The following PXDC1 variants were observed in gnomAD, a reference collection of about 807,000 sequenced individuals.
PXDC1 encodes the protein PX domain containing 1, also known as PX domain-containing protein 1.
Under a neutral mutation model 24.4 loss-of-function variants are expected in PXDC1, and 13 were observed. The observed-to-expected ratio is 0.53, with a 90% CI of 0.35 to 0.85. PXDC1 has a LOEUF of 0.85. PXDC1 is among the 40% of genes least tolerant of loss of function. The probability of loss-of-function intolerance (pLI) is 0.01; values close to 1 mark genes in which losing one functional copy is unlikely to be tolerated. For missense variants in PXDC1, 344 were observed against 309.3 expected (o/e 1.11, Z -0.84); for synonymous variants, 162 against 124.9 (o/e 1.30, Z -1.98).
At chr6:3,743,534 A>G (rs1265727644) in intron 1 of PXDC1, among the ~76,000 whole-genome samples, 3 of 152,166 alleles carry the variant, frequency 2.0e-5, no homozygotes, top group African/African-American at 4.8e-5. Context: ...TGGAAACTAA[A>G]TATCTAAAAT....
At chr6:3,736,832 T>C (rs1343623363) in intron 3 of PXDC1, among the ~76,000 whole-genome samples, 1 of 152,226 alleles carries the variant, frequency 6.6e-6, no homozygotes, top group African/African-American at 2.4e-5. Context: ...CGTTATACCA[T>C]TTCTTAAGTG....
intron 1 of PXDC1, chr6:3,738,901 G>A (rs1268712293): frequency 7.7e-7 from 1 of 1,302,610 alleles, no homozygotes; most frequent in East Asian, 5.5e-5. Context: ...TGCAGGGATG[G>A]GGAAGTAGGT....
chr6:3,741,979 T>C (rs143451331), intron 1 of PXDC1, among the ~76,000 whole-genome samples: 4 of 152,366 alleles, frequency 2.6e-5, no homozygotes, highest in African/African-American at 7.2e-5. Context: ...GAAATCTTCA[T>C]CTTGCAATTT....
At chr6:3,729,532 G>A (rs898267504) in intron 3 of PXDC1, among the ~76,000 whole-genome samples, 1 of 152,188 alleles carries the variant, frequency 6.6e-6, no homozygotes, top group African/African-American at 2.4e-5. Flanking sequence ...GAAGCAAAGA[G>A]GAATCAGTGC....
chr6:3,744,931 C>T (rs954656671), intron 1 of PXDC1, among the ~76,000 whole-genome samples: 4 of 152,218 alleles, frequency 2.6e-5, no homozygotes, highest in African/African-American at 9.6e-5. Flanking sequence ...AATTCCTGAC[C>T]TCAAGGGATC....
At chr6:3,726,253 T>C (rs964897259) in intron 4 of PXDC1, among the ~76,000 whole-genome samples, 2 of 152,216 alleles carry the variant, frequency 1.3e-5, no homozygotes, top group Non-Finnish European at 2.9e-5. Flanking sequence ...CTAAAGGGCC[T>C]CTTTCTTTCA....
rs532222118 is a variant in PXDC1 at position 3,751,308 on chromosome 6, C to G, written c.224G>C (p.Arg75Pro). 3.9e-5 allele frequency: 60 copies of G among 1,542,244 alleles called. No homozygotes were observed. The highest frequency in any genetic ancestry group is 4.9e-5 in the Non-Finnish European group (56 of 1,149,520). Residue 75 changes from arginine (R) to proline (P), a missense_variant, in exon 1 of 5, where the codon CGG (arginine) becomes CCG (proline). Transcript: ENST00000380283. The part of the protein sequence containing the change: ...QRLRDAFPED[R>P]SELAQGPLRQ... ...CAGCGGCCCCTGCGCCAGTTCGGACCGGTCCTCGGGAAAGGCGTCGCGCAG... is the reference window on the plus strand; with the variant it reads ...CAGCGGCCCCTGCGCCAGTTCGGACGGGTCCTCGGGAAAGGCGTCGCGCAG...
chr6:3,744,437 G>T (rs1332401888), intron 1 of PXDC1, among the ~76,000 whole-genome samples: 2 of 150,614 alleles, frequency 1.3e-5, no homozygotes, highest in Admixed American at 1.3e-4. Flanking sequence ...CCAGGAGGAT[G>T]CACAGCAGGG....
chr6:3,733,420 G>A, intron 3 of PXDC1, among the ~76,000 whole-genome samples: 1 of 152,198 alleles, frequency 6.6e-6, no homozygotes. Flanking sequence ...CTGAAGGGAG[G>A]TATCTGCCAT....
chr6:3,737,413 C>T lies in PXDC1; in HGVS notation c.349-217G>A, dbSNP rs1361046601. Among the ~76,000 whole-genome samples the T allele has an allele frequency of 6.6e-6, 1 of 152,258 alleles. No individual in the cohort carries two copies. Among genetic ancestry groups the T allele is most frequent in the Non-Finnish European group, 1.5e-5 (1 of 68,048 alleles). On this transcript the variant is annotated intron_variant, in intron 2 of 4. Coordinates refer to ENST00000380283, the MANE Select transcript of PXDC1 (RefSeq NM_183373.4). The surrounding 1 kb of genome is among the most constrained non-coding windows in gnomAD (Gnocchi z 5.5). Reference sequence around the variant, plus strand: ...GGCCCAGGCGGCTGAAAGGCAAGGCCTCAGCGACCTGGGCAGTGGAGGGAA... The same window carrying T: ...GGCCCAGGCGGCTGAAAGGCAAGGCTTCAGCGACCTGGGCAGTGGAGGGAA...
intron 4 of PXDC1, among the ~76,000 whole-genome samples, chr6:3,726,620 C>T (rs923377885): frequency 1.3e-5 from 2 of 152,246 alleles, no homozygotes; most frequent in African/African-American, 2.4e-5. Context: ...CCCAGGTTCA[C>T]GCTGGGGTCA....
At chr6:3,741,129 G>A (rs1384927808) in intron 1 of PXDC1, among the ~76,000 whole-genome samples, 1 of 152,372 alleles carries the variant, frequency 6.6e-6, no homozygotes, top group East Asian at 1.9e-4. Flanking sequence ...CCTGACCCCA[G>A]ACACAACCGA....
chr6:3,750,250 T>C (rs75160518), intron 1 of PXDC1, among the ~76,000 whole-genome samples: 5,046 of 152,318 alleles, frequency 0.033, 293 homozygotes, highest in African/African-American at 0.12. Flanking sequence ...ACGGGCCACC[T>C]TCTGCTTCAG....
At chr6:3,723,828 C>T (rs966618529) in intron 4 of PXDC1, 92 bp from the exon 5 acceptor site, 16 of 963,322 alleles carry the variant, frequency 1.7e-5, no homozygotes, top group African/African-American at 1.1e-4. Flanking sequence ...TTTCAATGCC[C>T]GCTAGTAAGT....
At chr6:3,740,153 G>A (rs903471165) in intron 1 of PXDC1, among the ~76,000 whole-genome samples, 3 of 152,212 alleles carry the variant, frequency 2.0e-5, no homozygotes, top group African/African-American at 7.2e-5. Flanking sequence ...TCATAGGACA[G>A]AAAGCGTGAC....
At chr6:3,732,883 TGGA>T (rs1159651318) in intron 3 of PXDC1, among the ~76,000 whole-genome samples, 3 of 151,992 alleles carry the variant, frequency 2.0e-5, no homozygotes, top group African/African-American at 7.3e-5. Context: ...GCATAAGAAA[TGGA>T]GGAGGAGGGT....
At position 3,723,580 on chromosome 6, in the gene PXDC1, C is replaced by T; in HGVS notation, c.*39G>A. 7 of 1,445,166 alleles carry T rather than the reference C, an allele frequency of 4.8e-6. No individual in the cohort carries two copies. Among genetic ancestry groups the T allele is most frequent in the Non-Finnish European group, 6.8e-6 (7 of 1,027,412 alleles). 89.5% of individuals were successfully genotyped at this position (1,445,166 alleles called of 1,614,324 possible). A position where few individuals can be genotyped will look rare whatever the true frequency, so the allele number is the denominator to read the frequency against. On this transcript the variant is annotated 3_prime_UTR_variant, in exon 5 of 5. Transcript: ENST00000380283. ...GCACAGTGGACAGCATCAGAGCTGG[C>T]AGTGAACAGCTGAGGCGGGGGAGGC... is the stretch of plus-strand genomic sequence containing the variant.
In PXDC1 at chr6:3,728,328, C is replaced by A. The variant is rs968697610; in HGVS notation, c.467-666G>T. Among the ~76,000 whole-genome samples the A allele has an allele frequency of 1.3e-5, 2 of 152,180 alleles. No individual in the cohort carries two copies. The highest frequency in any genetic ancestry group is 2.4e-5 in the African/African-American group (1 of 41,440). ...TGATATCATTCTTATGCCTTCGCATCCTCATAGCTTAGCTCCCACTTCTAA... is the reference window on the plus strand; with the variant it reads ...TGATATCATTCTTATGCCTTCGCATACTCATAGCTTAGCTCCCACTTCTAA... On this transcript the variant is annotated intron_variant, in intron 3 of 4. Coordinates refer to ENST00000380283, the MANE Select transcript of PXDC1 (RefSeq NM_183373.4). The surrounding 1 kb of genome is among the most constrained non-coding windows in gnomAD (Gnocchi z 4.0).
Position 3,751,283 on chromosome 6 carries a change from CAGCGGCCCCTGCGCCAGTTCGGACCGGT to C in PXDC1, c.221_248del (p.Asp74GlyfsTer8). ...GCGTCCCCGGCCCCGCACCTTGCCGCAGCGGCCCCTGCGCCAGTTCGGACCGGTCCTCGGGAAAGGCGTCGCGCAGGCG... is the reference window on the plus strand; with the variant it reads ...GCGTCCCCGGCCCCGCACCTTGCCGCCCTCGGGAAAGGCGTCGCGCAGGCG... On this transcript the variant is annotated frameshift_variant, in exon 1 of 5. Transcript: ENST00000380283. LOFTEE classifies it high-confidence loss of function. 5 of 1,519,642 alleles carry C rather than the reference CAGCGGCCCCTGCGCCAGTTCGGACCGGT, an allele frequency of 3.3e-6. No individual in the cohort carries two copies. Among genetic ancestry groups the C allele is most frequent in the Non-Finnish European group, 4.4e-6 (5 of 1,138,290 alleles). The allele number at this position is 1,519,642 out of a possible 1,614,324, so 94.1% of individuals were successfully genotyped here. A position where few individuals can be genotyped will look rare whatever the true frequency, so the allele number is the denominator to read the frequency against.
Sources: gnomAD v4.1 joint callset for allele counts (sites outside exome capture counted in the v4.1 genomes callset) on GRCh38, gnomAD v4.1.1 for gene constraint, Gnocchi (gnomAD v3.1) non-coding constraint, MANE v1.5 for transcripts, NCBI Gene and HGNC (gene_info 2026-07-23, HGNC 2026-07-21) for gene names.